The following LOC127903862 variants were observed in gnomAD, a reference collection of about 807,000 sequenced individuals.
chr6:16,328,406 G>T, the LOC127903862 span: 5 of 1,385,050 alleles, frequency 3.6e-6, no homozygotes, highest in Non-Finnish European at 4.7e-6. This position sits in a 1 kb window ranked among gnomAD's most constrained non-coding sequence, Gnocchi z 6.2. Flanking sequence ...TTCTGTAGGG[G>T]ATCCAGGCTC....
the LOC127903862 span, chr6:16,328,366 T>C: frequency 1.4e-6 from 2 of 1,457,664 alleles, no homozygotes; most frequent in Admixed American, 2.4e-5. This position sits in a 1 kb window ranked among gnomAD's most constrained non-coding sequence, Gnocchi z 6.2. Flanking sequence ...GCTCTGATTT[T>C]AGTCTGATAA....
chr6:16,328,368 G>A, the LOC127903862 span: 1 of 1,456,298 alleles, frequency 6.9e-7, no homozygotes, highest in Non-Finnish European at 9.0e-7. The surrounding 1 kb of genome is among the most constrained non-coding windows in gnomAD (Gnocchi z 6.2). Context: ...TCTGATTTTA[G>A]TCTGATAAAC....
the LOC127903862 span, chr6:16,328,421 T>C: frequency 2.2e-6 from 3 of 1,352,542 alleles, no homozygotes; most frequent in Non-Finnish European, 2.8e-6. This position sits in a 1 kb window ranked among gnomAD's most constrained non-coding sequence, Gnocchi z 6.2. Flanking sequence ...AGGCTCTTCA[T>C]GAGGAATCAT....
chr6:16,328,422 G>A, the LOC127903862 span: 1 of 1,354,568 alleles, frequency 7.4e-7, no homozygotes, highest in East Asian at 2.6e-5. This position sits in a 1 kb window ranked among gnomAD's most constrained non-coding sequence, Gnocchi z 6.2. Flanking sequence ...GGCTCTTCAT[G>A]AGGAATCATC....
chr6:16,328,351 G>A, the LOC127903862 span: 2 of 1,480,078 alleles, frequency 1.4e-6, no homozygotes, highest in Admixed American at 2.3e-5. This position sits in a 1 kb window ranked among gnomAD's most constrained non-coding sequence, Gnocchi z 6.2. Context: ...TTCACTGTCT[G>A]GATGGCTCTG....
chr6:16,328,391 T>G, the LOC127903862 span: 1 of 1,413,174 alleles, frequency 7.1e-7, no homozygotes, highest in Non-Finnish European at 9.2e-7. This position sits in a 1 kb window ranked among gnomAD's most constrained non-coding sequence, Gnocchi z 6.2. Context: ...AAAGTCACAT[T>G]TGATTTCTGT....
chr6:16,328,378 C>T, the LOC127903862 span: 22 of 1,433,560 alleles, frequency 1.5e-5, no homozygotes, highest in South Asian at 6.7e-5. The surrounding 1 kb of genome is among the most constrained non-coding windows in gnomAD (Gnocchi z 6.2). Context: ...GTCTGATAAA[C>T]GGAAAGTCAC....
chr6:16,328,386 C>T, the LOC127903862 span: 1 of 1,422,788 alleles, frequency 7.0e-7, no homozygotes, highest in Non-Finnish European at 9.2e-7. This position sits in a 1 kb window ranked among gnomAD's most constrained non-coding sequence, Gnocchi z 6.2. Flanking sequence ...AACGGAAAGT[C>T]ACATTTGATT....
chr6:16,328,363 T>C, the LOC127903862 span: 1 of 1,462,388 alleles, frequency 6.8e-7, no homozygotes, highest in Non-Finnish European at 9.0e-7. This position sits in a 1 kb window ranked among gnomAD's most constrained non-coding sequence, Gnocchi z 6.2. Context: ...ATGGCTCTGA[T>C]TTTAGTCTGA....
chr6:16,328,361 G>A, the LOC127903862 span: 2 of 1,462,690 alleles, frequency 1.4e-6, no homozygotes. This position sits in a 1 kb window ranked among gnomAD's most constrained non-coding sequence, Gnocchi z 6.2. Flanking sequence ...GGATGGCTCT[G>A]ATTTTAGTCT....
At chr6:16,328,372 G>C in the LOC127903862 span, 99 of 1,445,022 alleles carry the variant, frequency 6.9e-5, no homozygotes, top group Non-Finnish European at 8.9e-5. The surrounding 1 kb of genome is among the most constrained non-coding windows in gnomAD (Gnocchi z 6.2). Context: ...ATTTTAGTCT[G>C]ATAAACGGAA....
the LOC127903862 span, chr6:16,328,379 G>A: frequency 3.8e-5 from 54 of 1,434,962 alleles, no homozygotes; most frequent in Middle Eastern, 4.8e-4. The surrounding 1 kb of genome is among the most constrained non-coding windows in gnomAD (Gnocchi z 6.2). Context: ...TCTGATAAAC[G>A]GAAAGTCACA....
Sources: allele counts gnomAD v4.1 joint callset, GRCh38; gene constraint gnomAD v4.1.1; non-coding constraint Gnocchi (gnomAD v3.1); transcripts MANE v1.5.